Variants in KIF23 observed in about 807,000 individuals in gnomAD.
The protein encoded by KIF23 is kinesin family member 23.
A neutral mutation model predicts 137.5 loss-of-function variants in KIF23; 30 were observed. The ratio of observed to expected loss-of-function variants is 0.22; its 90% CI spans 0.16 to 0.30. The LOEUF is 0.30. KIF23 is among the 10% of genes least tolerant of loss of function. KIF23 has a pLI of 1.00. For synonymous variants in KIF23, 367 were observed against 391.1 expected, an observed-to-expected ratio of 0.94 and a Z score of 0.73; for missense variants, 920 against 1,194.3, an observed-to-expected ratio of 0.77 and a Z score of 3.38.
At chr15:69,416,476 G>A (rs949909392) in intron 2 of KIF23, among the ~76,000 whole-genome samples, 2 of 152,084 alleles carry the variant, frequency 1.3e-5, no homozygotes, top group African/African-American at 4.8e-5. Context: ...AATGAAGCAG[G>A]CAAAAAGAAT....
At chr15:69,430,347 A>G (rs1348103269) in intron 11 of KIF23, among the ~76,000 whole-genome samples, 1 of 152,136 alleles carries the variant, frequency 6.6e-6, no homozygotes, top group African/African-American at 2.4e-5. Context: ...GTCACCTTGC[A>G]TGTTGTGTTT....
At chr15:69,429,864 T>C (rs1338141522) in intron 11 of KIF23, among the ~76,000 whole-genome samples, 2 of 151,852 alleles carry the variant, frequency 1.3e-5, no homozygotes, top group Admixed American at 6.6e-5. Context: ...CTACAAAAAA[T>C]ACAAAAAATT....
rs201869915 is a variant in KIF23 at position 69,414,422 on chromosome 15, C to T, written c.-44C>T. The T allele has an allele frequency of 1.9e-6, 3 of 1,574,188 alleles. No individual in the cohort carries two copies. Among genetic ancestry groups the T allele is most frequent in the African/African-American group, 2.7e-5 (2 of 74,268 alleles). ...CTAACGTCCCGCAGTCTTCGCCAGC[C>T]AGCCGTCCCGCATGCGCGTTTGGGC... is the stretch of plus-strand genomic sequence containing the variant. On this transcript the variant is annotated 5_prime_UTR_variant, in exon 1 of 24. Coordinates refer to ENST00000679126, the MANE Select transcript of KIF23 (RefSeq NM_001367805.3).
intron 3 of KIF23, among the ~76,000 whole-genome samples, chr15:69,420,904 A>G (rs569867073): frequency 6.6e-6 from 1 of 152,292 alleles, no homozygotes; most frequent in South Asian, 2.1e-4. Context: ...AGTGTGAGCC[A>G]CTATGCCCAT....
chr15:69,433,850 T>C (rs1470058549), intron 11 of KIF23, among the ~76,000 whole-genome samples: 1 of 152,218 alleles, frequency 6.6e-6, no homozygotes, highest in Non-Finnish European at 1.5e-5. Flanking sequence ...GTAGACACCC[T>C]AAGTAAACAG....
At chr15:69,414,680 G>A (rs2056846283) in intron 1 of KIF23, 3 of 494,320 alleles carry the variant, frequency 6.1e-6, no homozygotes, top group East Asian at 7.3e-5. Context: ...GACCCCTGCC[G>A]CGTCGCCCCC....
chr15:69,419,561 G>A (rs752800909), intron 3 of KIF23, among the ~76,000 whole-genome samples: 4 of 152,010 alleles, frequency 2.6e-5, no homozygotes, highest in South Asian at 2.1e-4. Flanking sequence ...TCACCTCCTC[G>A]GGTTGTATAG....
intron 6 of KIF23, chr15:69,422,870 G>A (rs1457440489): frequency 9.9e-6 from 3 of 303,444 alleles, no homozygotes; most frequent in Non-Finnish European, 1.2e-5. Context: ...GCATGATCTC[G>A]GCTCACTGCA....
At chr15:69,439,522 G>GT (rs2057563991) in intron 16 of KIF23, among the ~76,000 whole-genome samples, 1 of 152,182 alleles carries the variant, frequency 6.6e-6, no homozygotes, top group Non-Finnish European at 1.5e-5. Flanking sequence ...ACTGTGTAAT[G>GT]TATGTCTGTT....
In KIF23 at chr15:69,435,644, C is replaced by G; in HGVS notation, c.1195-8C>G. 6.2e-7 allele frequency: 1 copy of G among 1,613,204 alleles called. No individual in the cohort carries two copies. The highest frequency in any genetic ancestry group is 1.3e-5 in the African/African-American group (1 of 74,942). On this transcript the variant is annotated splice_region_variant and splice_polypyrimidine_tract_variant and intron_variant, in intron 12 of 23. Coordinates refer to ENST00000679126, the MANE Select transcript of KIF23 (RefSeq NM_001367805.3). ...GCGTAACACATTTGGATATGAATGT[C>G]TTTGTAGATGGTTCCATATCGAGAT...
At chr15:69,439,461 C>T (rs1004276268) in intron 16 of KIF23, among the ~76,000 whole-genome samples, 1 of 152,090 alleles carries the variant, frequency 6.6e-6, no homozygotes, top group Non-Finnish European at 1.5e-5. Context: ...CAGGATTAAT[C>T]TCTTACAATG....
intron 22 of KIF23, 179 bp downstream of exon 22, chr15:69,446,543 C>G (rs1314432700): frequency 1.6e-6 from 1 of 633,296 alleles, no homozygotes; most frequent in African/African-American, 1.8e-5. Flanking sequence ...AACTCCCTTG[C>G]AAGTGTTATT....
chr15:69,441,075 G>T lies in KIF23; in HGVS notation c.2417G>T (p.Gly806Val). 1 of 1,608,706 alleles carries T rather than the reference G, an allele frequency of 6.2e-7. No homozygotes were observed. Reference sequence around the variant, plus strand: ...ATAGAAATAGAAGAGGATCATTGCGGCAGGGTTAGTGCCAGTATTATTTTA... The same window carrying T: ...ATAGAAATAGAAGAGGATCATTGCGTCAGGGTTAGTGCCAGTATTATTTTA... ...NEIEIEEDHC[G>V]RLLFQPDQNA... The change falls in exon 19 of 24, where the codon GGC becomes GTC. Residue 806 changes from glycine (G) to valine (V), a missense_variant. Physicochemically the swap from Gly to Val is moderately radical, Grantham distance 109. Around this residue, in one of 4 missense-constraint regions of KIF23, gnomAD observed 714 missense variants for 866.2 expected, o/e 0.82. Coordinates refer to ENST00000679126, the MANE Select transcript of KIF23 (RefSeq NM_001367805.3).
intron 11 of KIF23, among the ~76,000 whole-genome samples, chr15:69,430,941 A>G (rs1033103754): frequency 2.6e-5 from 4 of 152,204 alleles, no homozygotes; most frequent in African/African-American, 7.2e-5. Flanking sequence ...GTGTCTTTAT[A>G]CTATGTCATA....
chr15:69,433,606 C>T (rs1378655928), intron 11 of KIF23, among the ~76,000 whole-genome samples: 4 of 152,124 alleles, frequency 2.6e-5, no homozygotes, highest in Admixed American at 2.0e-4. Context: ...TGATTTCATC[C>T]CAAACCACAC....
chr15:69,442,965 A>G (rs2057656644), intron 19 of KIF23, among the ~76,000 whole-genome samples: 1 of 152,368 alleles, frequency 6.6e-6, no homozygotes, highest in Non-Finnish European at 1.5e-5. Context: ...TGTATGGATT[A>G]TCATCTTTCT....
intron 20 of KIF23, among the ~76,000 whole-genome samples, chr15:69,445,708 A>G (rs907633915): frequency 2.6e-5 from 4 of 152,196 alleles, no homozygotes; most frequent in African/African-American, 9.6e-5. Context: ...ACTTCCAGCA[A>G]ATTTCTTGAT....
rs2057698948 is a variant in KIF23, at chr15:69,444,386, T to C, written c.2422-404T>C. 6.3e-6 allele frequency: 1 copy of C among 158,132 alleles called. No individual in the cohort carries two copies. The highest frequency in any genetic ancestry group is 2.4e-5 in the African/African-American group (1 of 41,560). The allele number at this position is 158,132 out of a possible 1,614,324, so 9.8% of individuals were successfully genotyped here. A position where few individuals can be genotyped will look rare whatever the true frequency, so the allele number is the denominator to read the frequency against. On this transcript the variant is annotated intron_variant, in intron 19 of 23. Transcript: ENST00000679126. This position sits in a 1 kb window ranked among gnomAD's most constrained non-coding sequence, Gnocchi z 4.2. ...CTGTTTTGTTTAGAAGCCTAGAAAA[T>C]GTGTAGGGCTTTCATTGATCTTATT... is the stretch of plus-strand genomic sequence containing the variant.
rs182226040 is a variant in KIF23, at chr15:69,433,009, C to G, written c.1115-2474C>G. ...CCATCTAAGTATGCAGACACCCCAT[C>G]ATGTTCCCCCGGACAATATAGACCT... On this transcript the variant is annotated intron_variant, in intron 11 of 23. Transcript: ENST00000679126. 1.1e-4 allele frequency among the ~76,000 whole-genome samples: 16 copies of G among 152,254 alleles called. No individual in the cohort carries two copies. The East Asian group carries it at 2.9e-3, about 28-fold the overall frequency.
Sources: allele counts gnomAD v4.1 joint callset (sites outside exome capture counted in the v4.1 genomes callset), GRCh38; gene constraint gnomAD v4.1.1; regional missense constraint gnomAD v4.1.1; non-coding constraint Gnocchi (gnomAD v3.1); transcripts MANE v1.5; gene names NCBI Gene and HGNC (gene_info 2026-07-23, HGNC 2026-07-21).